PDE3B: variants seen among roughly 807,000 people sequenced by gnomAD.
PDE3B encodes cGMP-inhibited 3',5'-cyclic phosphodiesterase 3B.
PDE3B carries 66 observed loss-of-function variants against 116.8 expected under a neutral mutation model. That is an observed-to-expected ratio of 0.56 (90% CI 0.46 to 0.69). PDE3B has a LOEUF of 0.69. Ranked by LOEUF, PDE3B falls within the 30% of genes least tolerant of loss-of-function variation. The pLI is 0.00. For synonymous variants in PDE3B, 595 were observed against 533.6 expected (o/e 1.12, Z -1.59); for missense variants, 1,384 against 1,368.1 (o/e 1.01, Z -0.18).
At chr11:14,819,933 G>T (rs1350357802) in intron 7 of PDE3B, among the ~76,000 whole-genome samples, 1 of 152,046 alleles carries the variant, frequency 6.6e-6, no homozygotes, top group Non-Finnish European at 1.5e-5. Context: ...GCTTCATGGG[G>T]CTAGGAAGAC....
intron 1 of PDE3B, among the ~76,000 whole-genome samples, chr11:14,651,824 C>T (rs1195121048): frequency 6.6e-6 from 1 of 152,126 alleles, no homozygotes; most frequent in Non-Finnish European, 1.5e-5. Flanking sequence ...ATATGTATGA[C>T]TGTATCTGGG....
At chr11:14,732,447 A>G (rs545253008) in intron 1 of PDE3B, among the ~76,000 whole-genome samples, 105 of 152,324 alleles carry the variant, frequency 6.9e-4, no homozygotes, top group Non-Finnish European at 1.1e-3. Flanking sequence ...CTAGTTCAAT[A>G]TGAAGAACAG....
At chr11:14,820,191 T>C (rs948258448) in intron 7 of PDE3B, among the ~76,000 whole-genome samples, 4 of 151,166 alleles carry the variant, frequency 2.6e-5, no homozygotes, top group African/African-American at 9.7e-5. Context: ...TCACAAACTC[T>C]TCCAAAAAAT....
chr11:14,825,452 C>T (rs993878066), intron 7 of PDE3B, among the ~76,000 whole-genome samples: 3 of 152,088 alleles, frequency 2.0e-5, no homozygotes, highest in African/African-American at 7.2e-5. Flanking sequence ...GAAAATCTAC[C>T]AAGCAAGTGG....
At chr11:14,834,639 A>G (rs1859996809) in intron 10 of PDE3B, among the ~76,000 whole-genome samples, 1 of 152,208 alleles carries the variant, frequency 6.6e-6, no homozygotes, top group Non-Finnish European at 1.5e-5. Flanking sequence ...TCTGTGTACA[A>G]AACTGTTTTG....
At chr11:14,883,817 T>A in the PDE3B span, among the ~76,000 whole-genome samples, 7 of 152,158 alleles carry the variant, frequency 4.6e-5, no homozygotes, top group Admixed American at 3.9e-4. Flanking sequence ...GAGTCTACAA[T>A]GAACTCAAAC....
intron 4 of PDE3B, among the ~76,000 whole-genome samples, chr11:14,799,185 A>G (rs1858663490): frequency 6.6e-6 from 1 of 152,106 alleles, no homozygotes; most frequent in Non-Finnish European, 1.5e-5. Flanking sequence ...TCATTTTGTT[A>G]TGTACCCAGT....
At chr11:14,867,245 T>G (rs1481202696) in intron 14 of PDE3B, among the ~76,000 whole-genome samples, 7 of 152,196 alleles carry the variant, frequency 4.6e-5, no homozygotes, top group Admixed American at 3.9e-4. Flanking sequence ...ATCTGATACT[T>G]ATTTTAATAG....
chr11:14,708,480 C>T (rs1179950464), intron 1 of PDE3B, among the ~76,000 whole-genome samples: 3 of 151,918 alleles, frequency 2.0e-5, no homozygotes, highest in African/African-American at 7.2e-5. Flanking sequence ...GTGTTTTTTA[C>T]ATATGGGGAC....
At chr11:14,653,399 A>G (rs938709122) in intron 1 of PDE3B, among the ~76,000 whole-genome samples, 1 of 152,156 alleles carries the variant, frequency 6.6e-6, no homozygotes, top group Non-Finnish European at 1.5e-5. Context: ...AGGCAAGGTA[A>G]TAAGGCACTA....
chr11:14,662,444 C>A (rs1449988119), intron 1 of PDE3B, among the ~76,000 whole-genome samples: 2 of 152,086 alleles, frequency 1.3e-5, no homozygotes, highest in Non-Finnish European at 2.9e-5. Context: ...AGCAATGGAA[C>A]AAAGCTGGAC....
chr11:14,691,045 A>G (rs980001669), intron 1 of PDE3B, among the ~76,000 whole-genome samples: 3 of 152,238 alleles, frequency 2.0e-5, no homozygotes, highest in Admixed American at 2.0e-4. Context: ...AAAGCAGTGT[A>G]GAAATAGTGA....
At chr11:14,877,968 T>G in the PDE3B span, 2 of 730,032 alleles carry the variant, frequency 2.7e-6, no homozygotes, top group South Asian at 4.1e-5. Context: ...GACTAGTGCT[T>G]GTTTCTGCTC....
At chr11:14,665,198 C>G (rs1236762135) in intron 1 of PDE3B, among the ~76,000 whole-genome samples, 8 of 152,102 alleles carry the variant, frequency 5.3e-5, no homozygotes, top group African/African-American at 1.9e-4. Flanking sequence ...GCAGAAAAGT[C>G]CTTTGACAAA....
At chr11:14,781,119 G>T (rs566893930) in intron 2 of PDE3B, among the ~76,000 whole-genome samples, 16 of 152,284 alleles carry the variant, frequency 1.1e-4, no homozygotes, top group African/African-American at 3.6e-4. Context: ...ACAGGAAGAA[G>T]TTGAATTTCT....
intron 1 of PDE3B, among the ~76,000 whole-genome samples, chr11:14,740,113 CATAAA>C (rs1354966685): frequency 4.6e-5 from 7 of 152,168 alleles, no homozygotes; most frequent in Non-Finnish European, 8.8e-5. Context: ...ATGCTAAACT[CATAAA>C]ATGAGTTAGG....
At chr11:14,802,552 G>T (rs1015345378) in intron 4 of PDE3B, among the ~76,000 whole-genome samples, 2 of 152,118 alleles carry the variant, frequency 1.3e-5, no homozygotes, top group Admixed American at 6.5e-5. Context: ...CACCTTCTGC[G>T]TCAATCTTGC....
the PDE3B span, chr11:14,890,784 G>T: frequency 1.3e-6 from 1 of 790,696 alleles, no homozygotes; most frequent in Non-Finnish European, 1.5e-6. Flanking sequence ...TCCTGATTTC[G>T]TGATCCGCCC....
At chr11:14,711,610 A>G (rs190739730) in intron 1 of PDE3B, among the ~76,000 whole-genome samples, 1 of 152,068 alleles carries the variant, frequency 6.6e-6, no homozygotes, top group Non-Finnish European at 1.5e-5. Flanking sequence ...TGCAACAATC[A>G]TATCTCAAGA....
Sources: allele counts gnomAD v4.1 joint callset (sites outside exome capture counted in the v4.1 genomes callset), GRCh38; gene constraint gnomAD v4.1.1; transcripts MANE v1.5; gene names NCBI Gene and HGNC (gene_info 2026-07-23, HGNC 2026-07-21).